DYNC2H1: variants seen among roughly 807,000 people sequenced by gnomAD.
DYNC2H1 encodes the protein dynein cytoplasmic 2 heavy chain 1.
DYNC2H1 carries 410 observed loss-of-function variants against 570.0 expected under a neutral mutation model. The observed-to-expected ratio is 0.72, with a 90% CI of 0.66 to 0.78. DYNC2H1 has a LOEUF of 0.78. DYNC2H1 is among the 30% of genes least tolerant of loss of function. The pLI is 0.00. For missense variants in DYNC2H1, 4,865 were observed against 5,046.4 expected, an observed-to-expected ratio of 0.96 and a Z score of 1.09; for synonymous variants, 1,688 against 1,677.6, an observed-to-expected ratio of 1.01 and a Z score of -0.15.
intron 82 of DYNC2H1, among the ~76,000 whole-genome samples, chr11:103,333,025 A>C (rs893577479): frequency 8.0e-6 from 1 of 124,374 alleles, no homozygotes; most frequent in African/African-American, 3.0e-5. Flanking sequence ...ATCTTTCTTA[A>C]ATAAAACAGA....
At chr11:103,140,302 A>T (rs1381232505) in intron 17 of DYNC2H1, among the ~76,000 whole-genome samples, 3 of 152,196 alleles carry the variant, frequency 2.0e-5, no homozygotes, top group Middle Eastern at 3.4e-3. Context: ...GTTTCTTCCT[A>T]GGCTCGATGG....
chr11:103,342,663 C>A (rs898925831), intron 82 of DYNC2H1, among the ~76,000 whole-genome samples: 3 of 151,982 alleles, frequency 2.0e-5, no homozygotes, highest in Admixed American at 1.3e-4. Flanking sequence ...CCACCATGCC[C>A]GGCTAATTTT....
At chr11:103,468,192 C>A (rs865860653) in intron 87 of DYNC2H1, among the ~76,000 whole-genome samples, 1 of 151,018 alleles carries the variant, frequency 6.6e-6, no homozygotes, top group Non-Finnish European at 1.5e-5. Flanking sequence ...TTATTCTATT[C>A]CTTAAAAGGT....
rs752049045 is a variant in DYNC2H1 at position 103,323,978 on chromosome 11, G to A, written c.12027G>A (p.Met4009Ile). ...ATATCGCTCGCTCATCTCAGCGCAT[G>A]ATCAGTTCTCAGGTAACCTAAAAAA... ...PANIARSSQR[M>I]ISSQVISQLR... The change falls in exon 82 of 89, where the codon ATG (methionine) becomes ATA (isoleucine). Residue 4009 changes from methionine (M) to isoleucine (I), a missense_variant. Physicochemically the swap from Met to Ile is conservative, Grantham distance 10. Around this residue, in one of 5 missense-constraint regions of DYNC2H1, gnomAD observed 2,401 missense variants for 2,454.6 expected, o/e 0.98. Coordinates refer to ENST00000375735, the MANE Select transcript of DYNC2H1 (RefSeq NM_001377.3). 10 of 1,610,174 alleles carry A rather than the reference G, an allele frequency of 6.2e-6. No individual in the cohort carries two copies. The highest frequency in any genetic ancestry group is 1.7e-5 in the Admixed American group (1 of 59,606).
intron 82 of DYNC2H1, among the ~76,000 whole-genome samples, chr11:103,328,602 A>C (rs1293800387): frequency 3.3e-5 from 5 of 152,244 alleles, no homozygotes; most frequent in African/African-American, 1.2e-4. Context: ...GCTAATGCCA[A>C]AGTTGTATAA....
chr11:103,353,660 G>C (rs776668580), intron 82 of DYNC2H1, among the ~76,000 whole-genome samples: 41 of 151,902 alleles, frequency 2.7e-4, no homozygotes, highest in Non-Finnish European at 4.9e-4. Flanking sequence ...TTTAAATTTT[G>C]TTGAGGTTTA....
At chr11:103,443,366 T>C (rs1944329825) in intron 85 of DYNC2H1, among the ~76,000 whole-genome samples, 1 of 152,032 alleles carries the variant, frequency 6.6e-6, no homozygotes, top group Non-Finnish European at 1.5e-5. Flanking sequence ...AGTGATTGGT[T>C]TTATTGTTAA....
rs1859366977 is a variant in DYNC2H1 at position 103,133,287 on chromosome 11, T to A, written c.1954-268T>A. Among the ~76,000 whole-genome samples, 1 of 152,118 alleles carries A rather than the reference T, an allele frequency of 6.6e-6. No individual in the cohort carries two copies. The highest frequency in any genetic ancestry group is 1.5e-5 in the Non-Finnish European group (1 of 68,014). ...CTTAATTCCTCAGGTTTCTAGGCTG[T>A]CTGCCTTCTTCATTCTTCCTTTCCG... On this transcript the variant is annotated intron_variant, in intron 13 of 88. Coordinates refer to ENST00000375735, the MANE Select transcript of DYNC2H1 (RefSeq NM_001377.3). The surrounding 1 kb of genome is among the most constrained non-coding windows in gnomAD (Gnocchi z 4.8).
At chr11:103,373,246 T>C (rs931158446) in intron 83 of DYNC2H1, among the ~76,000 whole-genome samples, 2 of 152,194 alleles carry the variant, frequency 1.3e-5, no homozygotes, top group African/African-American at 4.8e-5. Flanking sequence ...CATTTTTTAA[T>C]TGATAATTTA....
At chr11:103,354,196 A>AT (rs796304700) in intron 82 of DYNC2H1, among the ~76,000 whole-genome samples, 2 of 149,840 alleles carry the variant, frequency 1.3e-5, no homozygotes, top group East Asian at 2.0e-4. Flanking sequence ...AAAAAAAAAA[A>AT]AAAAAATCTC....
At chr11:103,193,261 T>C (rs11225591) in intron 47 of DYNC2H1, among the ~76,000 whole-genome samples, 7,562 of 152,270 alleles carry the variant, frequency 0.05, 253 homozygotes, top group Non-Finnish European at 0.071. Context: ...AGGGTTTATG[T>C]CATTATGACC....
At chr11:103,117,030 C>A (rs1858435274) in intron 5 of DYNC2H1, among the ~76,000 whole-genome samples, 1 of 149,452 alleles carries the variant, frequency 6.7e-6, no homozygotes. Context: ...AATTTTTTGA[C>A]CTAGAAAATA....
rs375430613 is a variant in DYNC2H1 at position 103,256,176 on chromosome 11, C to T, written c.10397C>T (p.Ala3466Val). 11 of 1,608,624 alleles carry T rather than the reference C, an allele frequency of 6.8e-6. No homozygotes were observed. The highest frequency in any genetic ancestry group is 9.3e-6 in the Non-Finnish European group (11 of 1,177,140). ...ATTGAGTCTTTGAATCAGACAAAAG[C>T]AAGCAGTGCACTTATTCAAGAGTCA... ...DLIESLNQTK[A>V]SSALIQESLK... Residue 3466 changes from alanine to valine, a missense_variant, in exon 68 of 89, where the codon GCA becomes GTA. Ala to Val is a moderately conservative substitution (Grantham distance 64). Around this residue, in one of 5 missense-constraint regions of DYNC2H1, gnomAD observed 2,401 missense variants for 2,454.6 expected, o/e 0.98. Transcript: ENST00000375735. This position sits in a 1 kb window ranked among gnomAD's most constrained non-coding sequence, Gnocchi z 4.0.
At chr11:103,173,852 C>T (rs1425234587) in intron 35 of DYNC2H1, among the ~76,000 whole-genome samples, 1 of 152,110 alleles carries the variant, frequency 6.6e-6, no homozygotes, top group Non-Finnish European at 1.5e-5. Context: ...TTCATAAAAG[C>T]TTTATCCTAC....
chr11:103,394,069 G>C (rs1328135744), intron 83 of DYNC2H1, among the ~76,000 whole-genome samples: 1 of 152,096 alleles, frequency 6.6e-6, no homozygotes, highest in Non-Finnish European at 1.5e-5. Flanking sequence ...TTTTAGCCTT[G>C]GCTTTACTTG....
intron 47 of DYNC2H1, among the ~76,000 whole-genome samples, chr11:103,193,854 T>A (rs2135059055): frequency 6.6e-6 from 1 of 152,302 alleles, no homozygotes; most frequent in East Asian, 1.9e-4. Context: ...CCAGATTTTC[T>A]TTTTTAAAAA....
intron 6 of DYNC2H1, among the ~76,000 whole-genome samples, chr11:103,119,335 GTTTC>G (rs1294557763): frequency 1.3e-5 from 2 of 151,856 alleles, no homozygotes; most frequent in Non-Finnish European, 2.9e-5. Context: ...TGACTTCAGT[GTTTC>G]TTTCTTTCCT....
At chr11:103,312,875 C>T (rs1267375391) in intron 79 of DYNC2H1, among the ~76,000 whole-genome samples, 2 of 152,194 alleles carry the variant, frequency 1.3e-5, no homozygotes, top group Non-Finnish European at 2.9e-5. Flanking sequence ...TCTGCTTCCT[C>T]AGTCTATAAA....
intron 83 of DYNC2H1, among the ~76,000 whole-genome samples, chr11:103,373,373 G>A (rs924966472): frequency 6.6e-6 from 1 of 152,164 alleles, no homozygotes; most frequent in Admixed American, 6.5e-5. Context: ...GATATCAGTA[G>A]TAATGTCCTC....
Sources: gnomAD v4.1 joint callset for allele counts (sites outside exome capture counted in the v4.1 genomes callset) on GRCh38, gnomAD v4.1.1 for gene constraint, gnomAD v4.1.1 regional missense constraint, Gnocchi (gnomAD v3.1) non-coding constraint, MANE v1.5 for transcripts, NCBI Gene and HGNC (gene_info 2026-07-23, HGNC 2026-07-21) for gene names.